FERMT2: variants seen among roughly 807,000 people sequenced by gnomAD.
FERMT2 encodes the protein FERM domain containing kindlin 2.
FERMT2 carries 15 observed loss-of-function variants against 82.7 expected under a neutral mutation model. That is an observed-to-expected ratio of 0.18 (90% confidence interval 0.12 to 0.28). FERMT2 has a LOEUF of 0.28. Ranked by LOEUF, FERMT2 falls within the 10% of genes least tolerant of loss-of-function variation. The pLI, the probability that FERMT2 is intolerant of heterozygous loss-of-function variation, is 1.00. For missense variants in FERMT2, 645 were observed against 809.4 expected (o/e 0.80, Z 2.46); for synonymous variants, 274 against 271.5 (o/e 1.01, Z -0.09).
At chr14:52,861,238 C>T (rs1884916835) in intron 12 of FERMT2, 1 of 554,218 alleles carries the variant, frequency 1.8e-6, no homozygotes, top group Non-Finnish European at 3.2e-6. Flanking sequence ...GCAGCAATTA[C>T]TTTCCATTTA....
chr14:52,917,050 T>C (rs1438818061), intron 3 of FERMT2, among the ~76,000 whole-genome samples: 1 of 152,206 alleles, frequency 6.6e-6, no homozygotes, highest in Non-Finnish European at 1.5e-5. Flanking sequence ...CGGGTTTTCA[T>C]ACATTGCTAG....
At chr14:52,950,841 C>G in intron 1 of FERMT2, 80 bp downstream of exon 1, 1 of 303,626 alleles carries the variant, frequency 3.3e-6, no homozygotes, top group Admixed American at 5.2e-5. Context: ...CCGGCCGGCC[C>G]CGAGACACAG....
intron 12 of FERMT2, chr14:52,860,959 T>G: frequency 7.7e-7 from 1 of 1,298,500 alleles, no homozygotes; most frequent in African/African-American, 1.5e-5. Flanking sequence ...GGGAAGGTTG[T>G]GGCTATGAAT....
chr14:52,912,513 T>C (rs1027051470), intron 3 of FERMT2, among the ~76,000 whole-genome samples: 16 of 146,352 alleles, frequency 1.1e-4, no homozygotes, highest in African/African-American at 4.0e-4. Context: ...GATCACTACT[T>C]TTTTTTTTTT....
chr14:52,922,319 G>A (rs1889000717), intron 2 of FERMT2, among the ~76,000 whole-genome samples: 2 of 152,138 alleles, frequency 1.3e-5, no homozygotes, highest in South Asian at 2.1e-4. Context: ...CATGGGGCTG[G>A]CTGCCCTGCA....
At chr14:52,940,166 T>A (rs921893183) in intron 2 of FERMT2, among the ~76,000 whole-genome samples, 2 of 152,154 alleles carry the variant, frequency 1.3e-5, no homozygotes, top group Non-Finnish European at 2.9e-5. Flanking sequence ...CCCAATAACC[T>A]TGATATGTGT....
chr14:52,887,454 A>C (rs11625479), intron 4 of FERMT2, among the ~76,000 whole-genome samples: 117,919 of 151,844 alleles, frequency 0.78, 48,080 homozygotes, highest in Non-Finnish European at 0.89. Context: ...CTGAGACCAG[A>C]CTGGGTAACA....
chr14:52,864,647 T>G (rs979304030), intron 11 of FERMT2, 25 bp from the exon 12 acceptor site: 4 of 1,600,712 alleles, frequency 2.5e-6, no homozygotes, highest in Non-Finnish European at 1.7e-6. Flanking sequence ...TACTGATGTG[T>G]GCAATGTATC....
chr14:52,908,379 T>C (rs544217161), intron 3 of FERMT2, among the ~76,000 whole-genome samples: 1 of 152,318 alleles, frequency 6.6e-6, no homozygotes, highest in South Asian at 2.1e-4. Flanking sequence ...TGTAAGTGAA[T>C]GGTCATAGAA....
chr14:52,897,562 C>A (rs1161005448), intron 3 of FERMT2, among the ~76,000 whole-genome samples: 1 of 152,160 alleles, frequency 6.6e-6, no homozygotes, highest in South Asian at 2.1e-4. Context: ...ACTGGACTTT[C>A]TTTTTTAAAA....
At chr14:52,865,490 C>T (rs1044886974) in intron 10 of FERMT2, among the ~76,000 whole-genome samples, 1 of 152,118 alleles carries the variant, frequency 6.6e-6, no homozygotes, top group Non-Finnish European at 1.5e-5. Flanking sequence ...TTCTTTGTCA[C>T]TTATTAATAA....
At chr14:52,870,369 C>G (rs1885543646) in intron 10 of FERMT2, among the ~76,000 whole-genome samples, 1 of 152,010 alleles carries the variant, frequency 6.6e-6, no homozygotes, top group Non-Finnish European at 1.5e-5. Context: ...CCTGCCTCAG[C>G]CTCCTGAGTA....
intron 2 of FERMT2, among the ~76,000 whole-genome samples, chr14:52,931,972 T>C (rs1010605898): frequency 6.6e-6 from 1 of 152,196 alleles, no homozygotes; most frequent in Non-Finnish European, 1.5e-5. Context: ...GAGGTTGCAG[T>C]GAGCCCAGAT....
At chr14:52,926,479 T>G (rs1889283751) in intron 2 of FERMT2, among the ~76,000 whole-genome samples, 1 of 150,388 alleles carries the variant, frequency 6.6e-6, no homozygotes, top group African/African-American at 2.5e-5. Context: ...TGGCCAGAAG[T>G]TAGCAAACAT....
At chr14:52,870,334 C>G (rs1325311398) in intron 10 of FERMT2, among the ~76,000 whole-genome samples, 1 of 151,806 alleles carries the variant, frequency 6.6e-6, no homozygotes, top group African/African-American at 2.4e-5. Flanking sequence ...ACCGCAAGCT[C>G]CACCTCCCAG....
At chr14:52,893,529 G>C (rs1887076342) in intron 3 of FERMT2, 102 bp from the exon 4 acceptor site, 1 of 858,714 alleles carries the variant, frequency 1.2e-6, no homozygotes, top group Non-Finnish European at 1.8e-6. Context: ...ACTTCCTTCT[G>C]TATGTCTGAG....
chr14:52,859,532 CAGAGAAGGACTATA>C (rs1430900939), intron 14 of FERMT2, 27 bp downstream of exon 14: 3 of 1,512,252 alleles, frequency 2.0e-6, no homozygotes, highest in Non-Finnish European at 1.8e-6. Flanking sequence ...TAATTTGTAT[CAGAGAAGGACTATA>C]TTCAAGTAAC....
At chr14:52,892,721 G>C (rs975271159) in intron 4 of FERMT2, among the ~76,000 whole-genome samples, 3 of 152,184 alleles carry the variant, frequency 2.0e-5, no homozygotes, top group African/African-American at 2.4e-5. Flanking sequence ...TTCCCAAAGT[G>C]CTGGGATTAC....
In FERMT2 at chr14:52,945,227, ATGTTTTTTTGTTGT is replaced by A. The variant is rs1032119867; in HGVS notation, c.157+5171_157+5184del. On this transcript the variant is annotated intron_variant, in intron 2 of 14. Coordinates refer to ENST00000341590, the MANE Select transcript of FERMT2 (RefSeq NM_006832.3). ...CACCCAGCCAATCCTCAATTGTTCT[ATGTTTTTTTGTTGT>A]TGTTTTTTTTTTGTGGGTTGGGGGC... is the stretch of plus-strand genomic sequence containing the variant. 4.6e-5 allele frequency among the ~76,000 whole-genome samples: 7 copies of A among 150,664 alleles called. No homozygotes were observed. In the East Asian group the frequency reaches 1.4e-3, roughly 29 times the overall value.
Sources: gnomAD v4.1 joint callset for allele counts (sites outside exome capture counted in the v4.1 genomes callset) on GRCh38, gnomAD v4.1.1 for gene constraint, MANE v1.5 for transcripts, NCBI Gene and HGNC (gene_info 2026-07-23, HGNC 2026-07-21) for gene names.